TENM2: variants seen among roughly 807,000 people sequenced by gnomAD.
TENM2 encodes teneurin transmembrane protein 2.
Under a neutral mutation model 245.2 loss-of-function variants are expected in TENM2, and 52 were observed. That is an observed-to-expected ratio of 0.21 (90% CI 0.17 to 0.27). The LOEUF is 0.27. TENM2 is among the 10% of genes least tolerant of loss of function. TENM2 has a pLI of 1.00. For synonymous variants in TENM2, 1,363 were observed against 1,438.9 expected (o/e 0.95, Z 1.19); for missense variants, 3,046 against 3,666.8 (o/e 0.83, Z 4.37).
chr5:167,600,592 C>G (rs890575593), intron 2 of TENM2, among the ~76,000 whole-genome samples: 2 of 152,180 alleles, frequency 1.3e-5, no homozygotes, highest in Non-Finnish European at 2.9e-5. Context: ...CAACTCAGGA[C>G]TGATGAGTTG....
At chr5:167,260,496 A>G in the TENM2 span, among the ~76,000 whole-genome samples, 2 of 152,160 alleles carry the variant, frequency 1.3e-5, no homozygotes, top group African/African-American at 2.4e-5. Flanking sequence ...GGCTGGCATT[A>G]GACTCTGAAT....
At chr5:167,375,612 C>G (rs977104372) in intron 2 of TENM2, 139 bp downstream of exon 4, 1 of 888,032 alleles carries the variant, frequency 1.1e-6, no homozygotes, top group African/African-American at 1.7e-5. Flanking sequence ...CCAGTGTGAG[C>G]TGGGGGGAAG....
intron 3 of TENM2, among the ~76,000 whole-genome samples, chr5:167,922,340 A>T (rs183501725): frequency 1.3e-5 from 2 of 152,096 alleles, no homozygotes; most frequent in Non-Finnish European, 1.5e-5. Flanking sequence ...CTTGAGCAAC[A>T]TCCTCCAAAT....
At chr5:167,278,102 A>C in the TENM2 span, among the ~76,000 whole-genome samples, 1 of 150,650 alleles carries the variant, frequency 6.6e-6, no homozygotes, top group Non-Finnish European at 1.5e-5. Context: ...CCAGGAGTTG[A>C]AGACTAGCCT....
intron 1 of TENM2, among the ~76,000 whole-genome samples, chr5:167,312,978 C>T (rs777983937): frequency 1.1e-3 from 171 of 151,578 alleles, no homozygotes; most frequent in Non-Finnish European, 1.2e-3. Flanking sequence ...TCTCAGCTCA[C>T]TGCAACCTCT....
chr5:167,417,799 C>G (rs1763250510), intron 2 of TENM2, among the ~76,000 whole-genome samples: 1 of 152,148 alleles, frequency 6.6e-6, no homozygotes, highest in South Asian at 2.1e-4. Flanking sequence ...CCGTGCAGCA[C>G]TGGCACCCTG....
chr5:168,101,138 A>T (rs553254616), intron 9 of TENM2, among the ~76,000 whole-genome samples: 4 of 152,218 alleles, frequency 2.6e-5, no homozygotes, highest in Non-Finnish European at 5.9e-5. Flanking sequence ...GAGAACAGAG[A>T]ACAGCTTTTC....
the TENM2 span, among the ~76,000 whole-genome samples, chr5:167,067,464 GA>G: frequency 6.6e-6 from 1 of 152,130 alleles, no homozygotes; most frequent in African/African-American, 2.4e-5. Context: ...GATTATTGTG[GA>G]AAGCTCTGGA....
the TENM2 span, among the ~76,000 whole-genome samples, chr5:167,073,473 A>T: frequency 6.6e-6 from 1 of 152,158 alleles, no homozygotes. Flanking sequence ...CTCTGTGCAG[A>T]AAAGGATTTT....
chr5:168,256,671 C>T lies in TENM2; in HGVS notation c.7433-3612C>T, dbSNP rs140545904. 5.1e-3 allele frequency among the ~76,000 whole-genome samples: 778 copies of T among 152,250 alleles called. 6 individuals are homozygous for T. The highest frequency in any genetic ancestry group is 0.018 in the African/African-American group (741 of 41,542). ...AACTCCTGACCGCAGGTGATCCACC[C>T]GCCTCGGCCTCCCAAAATGCTGGGA... On this transcript the variant is annotated intron_variant, in intron 27 of 28. Transcript: ENST00000518659.
the TENM2 span, among the ~76,000 whole-genome samples, chr5:167,002,988 A>G: frequency 6.6e-6 from 1 of 151,188 alleles, no homozygotes; most frequent in Non-Finnish European, 1.5e-5. Flanking sequence ...TTTTTTTTTC[A>G]TAAAACCCTC....
At chr5:167,621,232 C>T (rs1257000693) in intron 2 of TENM2, among the ~76,000 whole-genome samples, 1 of 152,116 alleles carries the variant, frequency 6.6e-6, no homozygotes, top group African/African-American at 2.4e-5. Context: ...TGAATAAGAA[C>T]ATTTCAGATA....
the TENM2 span, among the ~76,000 whole-genome samples, chr5:167,203,646 C>T: frequency 1.3e-5 from 2 of 152,070 alleles, no homozygotes; most frequent in Non-Finnish European, 2.9e-5. Context: ...ATGTTAGCGA[C>T]CATTTCTTTT....
chr5:168,183,453 C>T (rs546990472), intron 13 of TENM2, among the ~76,000 whole-genome samples: 52 of 152,216 alleles, frequency 3.4e-4, no homozygotes, highest in Non-Finnish European at 7.1e-4. Context: ...TACCTCAAAA[C>T]AAACTAACTC....
chr5:167,064,556 C>G, the TENM2 span, among the ~76,000 whole-genome samples: 1 of 152,118 alleles, frequency 6.6e-6, no homozygotes, highest in Non-Finnish European at 1.5e-5. Flanking sequence ...TTTTGTTCCT[C>G]ATATAATAGA....
At chr5:167,816,959 G>A (rs1292171199) in intron 2 of TENM2, among the ~76,000 whole-genome samples, 3 of 152,140 alleles carry the variant, frequency 2.0e-5, no homozygotes, top group African/African-American at 4.8e-5. Context: ...ATCATGACTC[G>A]TATTAGAAAG....
At chr5:167,538,071 G>A (rs891093384) in intron 2 of TENM2, among the ~76,000 whole-genome samples, 9 of 152,212 alleles carry the variant, frequency 5.9e-5, no homozygotes, top group African/African-American at 1.7e-4. Context: ...AAACTTGTTA[G>A]CCTATGCCTT....
rs141558250 is a variant in TENM2 at position 168,226,062 on chromosome 5, TTATC to T, written c.5109-12_5109-9del. 1,703 of 1,595,184 alleles carry T rather than the reference TTATC, an allele frequency of 1.1e-3. 7 individuals are homozygous for T. In the African/African-American group the frequency reaches 0.016, roughly 15 times the overall value. ...CCCAATGACTGCTGCTAACCAGGGT[TTATC>T]TATCTATCTATCTCCCCCCAGCTAT... On this transcript the variant is annotated intron_variant, in intron 23 of 28. Transcript: ENST00000518659.
intron 1 of TENM2, among the ~76,000 whole-genome samples, chr5:167,286,135 A>G (rs1771335289): frequency 6.6e-6 from 1 of 152,222 alleles, no homozygotes; most frequent in Admixed American, 6.5e-5. Context: ...TGTAGATAAC[A>G]TCTTTTTATA....
Sources: allele counts gnomAD v4.1 joint callset (sites outside exome capture counted in the v4.1 genomes callset), GRCh38; gene constraint gnomAD v4.1.1; transcripts MANE v1.5; gene names NCBI Gene and HGNC (gene_info 2026-07-23, HGNC 2026-07-21).